Variants in TNFRSF1B observed in about 807,000 individuals in gnomAD.
TNFRSF1B encodes the protein tumor necrosis factor receptor superfamily member 1B.
TNFRSF1B carries 19 observed loss-of-function variants against 44.6 expected under a neutral mutation model. That is an observed-to-expected ratio of 0.43 (90% CI 0.30 to 0.62). The LOEUF is 0.62. TNFRSF1B is among the 20% of genes least tolerant of loss of function. The probability of loss-of-function intolerance (pLI) is 0.16; values close to 1 mark genes in which losing one functional copy is unlikely to be tolerated. For synonymous variants in TNFRSF1B, 252 were observed against 261.1 expected (o/e 0.97, Z 0.34); for missense variants, 541 against 619.9 (o/e 0.87, Z 1.35).
At chr1:12,184,485 G>A (rs762837768) in intron 1 of TNFRSF1B, among the ~76,000 whole-genome samples, 15 of 152,148 alleles carry the variant, frequency 9.9e-5, no homozygotes, top group Non-Finnish European at 2.1e-4. Context: ...CTACCGGGGG[G>A]GCTGGAGCCA....
intron 1 of TNFRSF1B, among the ~76,000 whole-genome samples, chr1:12,173,540 C>A (rs747070590): frequency 3.3e-5 from 5 of 152,196 alleles, no homozygotes; most frequent in Non-Finnish European, 7.3e-5. Flanking sequence ...CTAGGTGGCA[C>A]CTTTTCAAGT....
At chr1:12,198,438 G>A (rs1435198169) in intron 8 of TNFRSF1B, among the ~76,000 whole-genome samples, 1 of 152,162 alleles carries the variant, frequency 6.6e-6, no homozygotes, top group South Asian at 2.1e-4. Context: ...CCACCCCAGC[G>A]CACACACTCA....
At chr1:12,201,828 G>T (rs540474386) in intron 8 of TNFRSF1B, 139 bp from the exon 9 acceptor site, 2 of 1,241,514 alleles carry the variant, frequency 1.6e-6, no homozygotes, top group Non-Finnish European at 2.2e-6. Flanking sequence ...TGGAAAGAAC[G>T]TGCAAGGGTG....
rs1372196584 is a variant in TNFRSF1B, at chr1:12,169,171, T to C, written c.78+2002T>C. Among the ~76,000 whole-genome samples, 2 of 152,222 alleles carry C rather than the reference T, an allele frequency of 1.3e-5. No individual in the cohort carries two copies. On this transcript the variant is annotated intron_variant, in intron 1 of 9. Transcript: ENST00000376259. The surrounding 1 kb of genome is among the most constrained non-coding windows in gnomAD (Gnocchi z 4.5). ...CTCTTCGAACTCCCAGGCCCTTTTG[T>C]TCCCTTTGAGGACAGATTGCATTCT...
Position 12,180,928 on chromosome 1 carries a change from C to T in TNFRSF1B, c.79-7868C>T, listed in dbSNP as rs560897118. 5.9e-5 allele frequency among the ~76,000 whole-genome samples: 9 copies of T among 152,312 alleles called. No individual in the cohort carries two copies. Among genetic ancestry groups the T allele is most frequent in the African/African-American group, 1.7e-4 (7 of 41,568 alleles). On this transcript the variant is annotated intron_variant, in intron 1 of 9. Transcript: ENST00000376259. This position sits in a 1 kb window ranked among gnomAD's most constrained non-coding sequence, Gnocchi z 4.3. ...GGGGTCACATTACCCTTCCAGTGTT[C>T]CTCTGAGCAAAGTCCCTGTGAGTTA...
chr1:12,202,133 G>T lies in TNFRSF1B; in HGVS notation c.1067G>T (p.Ser356Ile). 6.4e-7 allele frequency: 1 copy of T among 1,559,228 alleles called. No homozygotes were observed. Among genetic ancestry groups the T allele is most frequent in the South Asian group, 1.2e-5 (1 of 84,838 alleles). ...NQPQAPGVEA[S>I]GAGEARASTG... is the part of the protein sequence containing the mutation. ...CCACAGGCACCAGGCGTGGAGGCCA[G>T]TGGGGCCGGGGAGGCCCGGGCCAGC... Residue 356 changes from serine (S) to isoleucine (I), a missense_variant, in exon 9 of 10, where the codon AGT (serine) becomes ATT (isoleucine). Transcript: ENST00000376259.
intron 8 of TNFRSF1B, 137 bp downstream of exon 8, chr1:12,194,755 G>A: frequency 2.7e-6 from 3 of 1,098,106 alleles, no homozygotes; most frequent in South Asian, 1.4e-5. Context: ...GGAGGTGGAG[G>A]AAAGGCCGGG....
rs1370906257 is a variant in TNFRSF1B at position 12,169,699 on chromosome 1, T to C, written c.78+2530T>C. ...CTTTTGCCCCGTTTAAAAGTCTTAT[T>C]TGCCAGCTGGTATGGAAAACATCAT... On this transcript the variant is annotated intron_variant, in intron 1 of 9. Transcript: ENST00000376259. This position sits in a 1 kb window ranked among gnomAD's most constrained non-coding sequence, Gnocchi z 4.5. Among the ~76,000 whole-genome samples, 1 of 152,258 alleles carries C rather than the reference T, an allele frequency of 6.6e-6. No individual in the cohort carries two copies. Among genetic ancestry groups the C allele is most frequent in the Non-Finnish European group, 1.5e-5 (1 of 68,044 alleles).
intron 2 of TNFRSF1B, among the ~76,000 whole-genome samples, chr1:12,189,811 C>A (rs930956539): frequency 6.6e-6 from 1 of 152,202 alleles, no homozygotes; most frequent in Non-Finnish European, 1.5e-5. Flanking sequence ...CTGGGAAGGT[C>A]TCTCTGAGGA....
At chr1:12,176,342 G>C (rs905678815) in intron 1 of TNFRSF1B, among the ~76,000 whole-genome samples, 6 of 152,254 alleles carry the variant, frequency 3.9e-5, no homozygotes, top group African/African-American at 1.4e-4. Flanking sequence ...GAGGCTGTAA[G>C]TTTAGGGCCA....
intron 6 of TNFRSF1B, 36 bp downstream of exon 6, chr1:12,193,134 T>G: frequency 6.6e-7 from 1 of 1,524,168 alleles, no homozygotes; most frequent in Non-Finnish European, 9.0e-7. Context: ...TCACTCCTTC[T>G]GTCTGCCTGT....
At chr1:12,181,052 C>T (rs1638791823) in intron 1 of TNFRSF1B, among the ~76,000 whole-genome samples, 1 of 152,164 alleles carries the variant, frequency 6.6e-6, no homozygotes, top group Non-Finnish European at 1.5e-5. Context: ...AGCGGGCCTG[C>T]CATGGTCTCC....
intron 9 of TNFRSF1B, among the ~76,000 whole-genome samples, chr1:12,204,790 T>TCACCAC (rs151248488): frequency 2.6e-5 from 4 of 151,036 alleles, no homozygotes; most frequent in Admixed American, 6.6e-5. Flanking sequence ...CTTAAAAACA[T>TCACCAC]CACCACCACC....
rs5745957 is a variant in TNFRSF1B, at chr1:12,168,176, G to A, written c.78+1007G>A. The stretch of plus-strand genomic sequence containing the variant: ...TTCGGCCCCTGTGCCCTGAGGCTGC[G>A]GGGAAGGTGGGCGTTCATCCTTCCT... On this transcript the variant is annotated intron_variant, in intron 1 of 9. Coordinates refer to ENST00000376259, the MANE Select transcript of TNFRSF1B (RefSeq NM_001066.3). The surrounding 1 kb of genome is among the most constrained non-coding windows in gnomAD (Gnocchi z 4.7). Among the ~76,000 whole-genome samples the A allele has an allele frequency of 8.1e-3, 1,232 of 152,348 alleles. 11 individuals are homozygous for A. Among genetic ancestry groups the A allele is most frequent in the African/African-American group, 0.028 (1,153 of 41,580 alleles).
chr1:12,186,343 G>A lies in TNFRSF1B; in HGVS notation c.79-2453G>A, dbSNP rs1638986790. Among the ~76,000 whole-genome samples, 1 of 152,184 alleles carries A rather than the reference G, an allele frequency of 6.6e-6. No homozygotes were observed. The highest frequency in any genetic ancestry group is 1.5e-5 in the Non-Finnish European group (1 of 68,032). On this transcript the variant is annotated intron_variant, in intron 1 of 9. Transcript: ENST00000376259. The surrounding 1 kb of genome is among the most constrained non-coding windows in gnomAD (Gnocchi z 4.8). ...GTGCTGTGAGGAAGGGGAGGAGGAG[G>A]CACACTGAACCCACCTGCTACGTTG...
In TNFRSF1B at chr1:12,193,094, A is replaced by T; in HGVS notation, c.783A>T (p.Pro261=). ...GGAGCACTGGCGACTTCGCTCTTCC[A>T]GTTGGTAAGTCGCAAGAAGTCTCAT... ...AEGSTGDFAL[P]VGLIVGVTAL... is the part of the protein sequence containing the mutation. The change falls in exon 6 of 10, where the codon CCA becomes CCT. Residue 261 remains proline (P), a synonymous_variant. Transcript: ENST00000376259. 1 of 1,612,498 alleles carries T rather than the reference A, an allele frequency of 6.2e-7. No homozygotes were observed. The highest frequency in any genetic ancestry group is 8.5e-7 in the Non-Finnish European group (1 of 1,178,974).
chr1:12,202,269 G>A, intron 9 of TNFRSF1B, 98 bp downstream of exon 9: 2 of 1,479,238 alleles, frequency 1.4e-6, no homozygotes, highest in Non-Finnish European at 1.8e-6. Flanking sequence ...TCCCCGCAGG[G>A]TGGGACGAGG....
At chr1:12,201,023 T>G (rs1358608609) in intron 8 of TNFRSF1B, among the ~76,000 whole-genome samples, 1 of 151,728 alleles carries the variant, frequency 6.6e-6, no homozygotes, top group Non-Finnish European at 1.5e-5. Context: ...GAGGCCAGGG[T>G]AGGAGGATGG....
chr1:12,174,855 G>C (rs1031899210), intron 1 of TNFRSF1B, among the ~76,000 whole-genome samples: 1 of 152,240 alleles, frequency 6.6e-6, no homozygotes, highest in African/African-American at 2.4e-5. Flanking sequence ...AGGCCTAGCA[G>C]ATCTCTACTC....
Sources: gnomAD v4.1 joint callset for allele counts (sites outside exome capture counted in the v4.1 genomes callset) on GRCh38, gnomAD v4.1.1 for gene constraint, Gnocchi (gnomAD v3.1) non-coding constraint, MANE v1.5 for transcripts, NCBI Gene and HGNC (gene_info 2026-07-23, HGNC 2026-07-21) for gene names.